Variants in HAVCR1 observed in about 807,000 individuals in gnomAD.
HAVCR1 encodes hepatitis A virus cellular receptor 1, also known as T cell immunoglobin domain and mucin domain protein 1.
Under a neutral mutation model 32.0 loss-of-function variants are expected in HAVCR1, and 34 were observed. That is an observed-to-expected ratio of 1.06 (90% CI 0.81 to 1.42). HAVCR1 has a LOEUF of 1.42. HAVCR1 is among the 40% of genes most tolerant of loss of function. HAVCR1 has a pLI of 0.00. For missense variants in HAVCR1, 420 were observed against 442.3 expected (o/e 0.95, Z 0.45); for synonymous variants, 178 against 170.3 (o/e 1.05, Z -0.35).
intron 6 of HAVCR1, among the ~76,000 whole-genome samples, chr5:157,039,536 A>G (rs1252941790): frequency 1.3e-5 from 2 of 152,052 alleles, no homozygotes; most frequent in African/African-American, 4.8e-5. Flanking sequence ...TTTAGTACAG[A>G]GGAGGTTTCA....
Position 157,052,210 on chromosome 5 carries a change from T to G in HAVCR1, c.673+151A>C, listed in dbSNP as rs138484073. The G allele has an allele frequency of 1.3e-4, 87 of 664,840 alleles. 1 individual carries two copies. The highest frequency in any genetic ancestry group is 1.3e-3 in the African/African-American group (72 of 55,238). The allele number at this position is 664,840 out of a possible 1,614,324, so 41.2% of individuals were successfully genotyped here. A position where few individuals can be genotyped will look rare whatever the true frequency, so the allele number is the denominator to read the frequency against. The stretch of plus-strand genomic sequence containing the variant: ...GCAAAAGACGCATACAACTTGGGAG[T>G]TGGGGAGGATCACAAACCCTGAGGA... On this transcript the variant is annotated intron_variant, in intron 4 of 8. Transcript: ENST00000523175.
chr5:157,044,864 G>A (rs1458778183), intron 5 of HAVCR1, among the ~76,000 whole-genome samples: 1 of 152,082 alleles, frequency 6.6e-6, no homozygotes, highest in Non-Finnish European at 1.5e-5. Flanking sequence ...TCAGTTCAAT[G>A]CTGACAATGT....
intron 5 of HAVCR1, among the ~76,000 whole-genome samples, chr5:157,044,673 GA>G: frequency 6.8e-6 from 1 of 147,170 alleles, no homozygotes; most frequent in South Asian, 2.3e-4. Flanking sequence ...AAGAAAGAAA[GA>G]AAGGAGGGAG....
At chr5:157,057,978 G>T (rs775701033) in intron 1 of HAVCR1, 23 bp from the exon 2 acceptor site, 16 of 1,571,170 alleles carry the variant, frequency 1.0e-5, no homozygotes, top group African/African-American at 1.4e-5. Flanking sequence ...GAGCAGACAG[G>T]CTGGTTGGTA....
intron 6 of HAVCR1, among the ~76,000 whole-genome samples, chr5:157,039,541 G>A (rs761854636): frequency 6.6e-6 from 1 of 151,996 alleles, no homozygotes; most frequent in Non-Finnish European, 1.5e-5. Flanking sequence ...TACAGAGGAG[G>A]TTTCATCATA....
In HAVCR1 at chr5:157,037,284, C is replaced by T; in HGVS notation, c.915G>A (p.Leu305=). ...GIYAGVCISV[L]VLLALLGVII... ...TGACACCCAAAAGAGCAAGAAGCAC[C>T]AAGACAGAAATACAGACTCCAGCAT... The change falls in exon 7 of 9, where the codon TTG becomes TTA. Residue 305 remains leucine, a synonymous_variant. Transcript: ENST00000523175. The T allele has an allele frequency of 6.2e-7, 1 of 1,605,592 alleles. No homozygotes were observed. The highest frequency in any genetic ancestry group is 8.5e-7 in the Non-Finnish European group (1 of 1,172,280).
intron 4 of HAVCR1, among the ~76,000 whole-genome samples, chr5:157,052,104 A>C (rs560519506): frequency 7.9e-5 from 12 of 152,224 alleles, no homozygotes; most frequent in Non-Finnish European, 1.8e-4. Flanking sequence ...TCCGTGGTCC[A>C]GCTATTTTTG....
upstream of HAVCR1, among the ~76,000 whole-genome samples, chr5:157,062,594 C>T (rs1756511770): frequency 6.6e-6 from 1 of 152,064 alleles, no homozygotes; most frequent in Non-Finnish European, 1.5e-5. Flanking sequence ...CTGTCAGTCT[C>T]TCCCTCATCC....
upstream of HAVCR1, among the ~76,000 whole-genome samples, chr5:157,059,423 C>T (rs1270254176): frequency 6.6e-6 from 1 of 152,154 alleles, no homozygotes. Flanking sequence ...TGCCTGTAAC[C>T]CCAGCACTTT....
intron 5 of HAVCR1, 90 bp from the exon 6 acceptor site, chr5:157,042,772 G>T: frequency 1.3e-6 from 1 of 776,456 alleles, no homozygotes; most frequent in Non-Finnish European, 2.2e-6. Flanking sequence ...ACCTTCTGGC[G>T]ATGAAAAGTT....
intron 8 of HAVCR1, among the ~76,000 whole-genome samples, chr5:157,030,107 C>A (rs978671028): frequency 5.3e-5 from 8 of 152,020 alleles, no homozygotes; most frequent in Non-Finnish European, 4.4e-5. Flanking sequence ...CTTTGAAACT[C>A]GCATAATAGA....
In HAVCR1 at chr5:157,038,341, T is replaced by A. The variant is rs533681037; in HGVS notation, c.838-980A>T. 2.0e-5 allele frequency among the ~76,000 whole-genome samples: 3 copies of A among 152,212 alleles called. No individual in the cohort carries two copies. The South Asian group carries it at 6.2e-4, about 32-fold the overall frequency. On this transcript the variant is annotated intron_variant, in intron 6 of 8. Coordinates refer to ENST00000523175, the MANE Select transcript of HAVCR1 (RefSeq NM_001173393.3). ...TCCCCATTTCATGGCTTAGTTCTAA[T>A]CCTAAAGAGAGCCCACCGGGAAGGT... is the stretch of plus-strand genomic sequence containing the variant.
At chr5:157,046,584 G>C (rs1246435037) in intron 5 of HAVCR1, among the ~76,000 whole-genome samples, 1 of 152,140 alleles carries the variant, frequency 6.6e-6, no homozygotes, top group Non-Finnish European at 1.5e-5. Flanking sequence ...AGTCTGTTCA[G>C]GCTGCTATGA....
rs747809028 is a variant in HAVCR1 at position 157,044,627 on chromosome 5, A to AAG, written c.782-1947_782-1946dup. Reference sequence around the variant, plus strand: ...AGAAAGAAAGAAAGAGAAAGAAAGAAAGAAAGAAAGAAAGAAAGAAAGAAA... The same window carrying AAG: ...AGAAAGAAAGAAAGAGAAAGAAAGAAAGAGAAAGAAAGAAAGAAAGAAAGAAA... On this transcript the variant is annotated intron_variant, in intron 5 of 8. Transcript: ENST00000523175. 7.4e-3 allele frequency among the ~76,000 whole-genome samples: 452 copies of AAG among 61,454 alleles called. 1 individual carries two copies. The highest frequency in any genetic ancestry group is 0.021 in the East Asian group (40 of 1,938). The allele number at this position is 61,454 out of a possible 152,430, so 40.3% of individuals were successfully genotyped here. A position where few individuals can be genotyped will look rare whatever the true frequency, so the allele number is the denominator to read the frequency against.
intron 5 of HAVCR1, among the ~76,000 whole-genome samples, chr5:157,045,603 CT>C (rs1339354212): frequency 6.6e-6 from 1 of 151,896 alleles, no homozygotes; most frequent in African/African-American, 2.4e-5. Flanking sequence ...CCTCCTCAAT[CT>C]GGCAATAGCA....
At chr5:157,033,666 T>C (rs929818360) in intron 7 of HAVCR1, among the ~76,000 whole-genome samples, 2 of 152,158 alleles carry the variant, frequency 1.3e-5, no homozygotes, top group African/African-American at 4.8e-5. Context: ...GAGGAATTTG[T>C]CCTGCCCTAC....
intron 6 of HAVCR1, among the ~76,000 whole-genome samples, chr5:157,041,791 GCTCACGC>G (rs1754913890): frequency 1.3e-5 from 2 of 152,152 alleles, no homozygotes; most frequent in Admixed American, 1.3e-4. Flanking sequence ...GGGCGCGGTG[GCTCACGC>G]CTGTAATCCC....
At chr5:157,048,844 A>AACAC (rs57620461) in intron 5 of HAVCR1, among the ~76,000 whole-genome samples, 194 bp downstream of exon 5, 43 of 150,034 alleles carry the variant, frequency 2.9e-4, no homozygotes, top group Non-Finnish European at 4.6e-4. Flanking sequence ...AAAAAAAGAA[A>AACAC]ACACACACAC....
intron 2 of HAVCR1, among the ~76,000 whole-genome samples, chr5:157,057,525 C>T (rs751912803): frequency 2.0e-5 from 3 of 152,044 alleles, no homozygotes; most frequent in African/African-American, 4.8e-5. Context: ...GATTAACTCT[C>T]CCTCCACCTC....
Sources: allele counts gnomAD v4.1 joint callset (sites outside exome capture counted in the v4.1 genomes callset), GRCh38; gene constraint gnomAD v4.1.1; transcripts MANE v1.5; gene names NCBI Gene and HGNC (gene_info 2026-07-23, HGNC 2026-07-21).